SNX29: variants seen among roughly 807,000 people sequenced by gnomAD.
SNX29 encodes sorting nexin-29.
SNX29 carries 78 observed loss-of-function variants against 102.1 expected under a neutral mutation model. That is an observed-to-expected ratio of 0.76 (90% CI 0.64 to 0.92). SNX29 has a LOEUF of 0.92. Ranked by LOEUF, SNX29 falls within the 40% of genes least tolerant of loss-of-function variation. The pLI is 0.00. For synonymous variants in SNX29, 580 were observed against 414.5 expected, an observed-to-expected ratio of 1.40 and a Z score of -4.85; for missense variants, 1,280 against 1,061.7, an observed-to-expected ratio of 1.21 and a Z score of -2.86.
At chr16:12,464,985 C>T (rs2086986748) in intron 18 of SNX29, among the ~76,000 whole-genome samples, 1 of 152,202 alleles carries the variant, frequency 6.6e-6, no homozygotes, top group Non-Finnish European at 1.5e-5. Flanking sequence ...CCGATTTACA[C>T]TTCTCTGATG....
At chr16:12,140,620 C>T (rs1216306198) in intron 13 of SNX29, among the ~76,000 whole-genome samples, 1 of 152,024 alleles carries the variant, frequency 6.6e-6, no homozygotes, top group Non-Finnish European at 1.5e-5. Context: ...GTCCATTTTC[C>T]AGAGTGACAC....
At chr16:12,356,820 C>T (rs555986782) in intron 16 of SNX29, among the ~76,000 whole-genome samples, 2 of 152,354 alleles carry the variant, frequency 1.3e-5, no homozygotes, top group African/African-American at 4.8e-5. Context: ...CTAGCAGCGT[C>T]CCTGGGTTCC....
intron 18 of SNX29, among the ~76,000 whole-genome samples, chr16:12,456,790 G>A (rs552613995): frequency 6.6e-6 from 1 of 152,284 alleles, no homozygotes; most frequent in Admixed American, 6.5e-5. Flanking sequence ...CATTGGGATT[G>A]TGAGCTTTTC....
intron 14 of SNX29, among the ~76,000 whole-genome samples, chr16:12,242,333 G>A (rs1472325172): frequency 6.9e-6 from 1 of 145,116 alleles, no homozygotes; most frequent in South Asian, 2.1e-4. Flanking sequence ...TCTCATAGGA[G>A]AATCTAATTA....
At chr16:12,403,584 G>C in intron 18 of SNX29, 55 bp downstream of exon 18, 2 of 1,515,598 alleles carry the variant, frequency 1.3e-6, no homozygotes, top group East Asian at 2.4e-5. Flanking sequence ...ACGCCCATTT[G>C]TCATGCTGTG....
chr16:12,342,613 C>A (rs1465926264), intron 15 of SNX29, among the ~76,000 whole-genome samples: 1 of 152,172 alleles, frequency 6.6e-6, no homozygotes, highest in African/African-American at 2.4e-5. Flanking sequence ...GTGTCTTTTA[C>A]GAAGCTTGAG....
chr16:12,131,547 G>A (rs533004244), intron 13 of SNX29, among the ~76,000 whole-genome samples: 24 of 152,208 alleles, frequency 1.6e-4, no homozygotes, highest in African/African-American at 5.1e-4. Flanking sequence ...GAGTGAACCC[G>A]CCATATTAAA....
chr16:12,426,729 G>C (rs1490602477), intron 18 of SNX29, among the ~76,000 whole-genome samples: 1 of 152,156 alleles, frequency 6.6e-6, no homozygotes, highest in African/African-American at 2.4e-5. Context: ...GCAGTGGCGC[G>C]ATCTCAGCTC....
At chr16:12,412,679 TTG>T (rs1934480566) in intron 18 of SNX29, among the ~76,000 whole-genome samples, 1 of 152,236 alleles carries the variant, frequency 6.6e-6, no homozygotes, top group Non-Finnish European at 1.5e-5. Context: ...GCATGTGTTT[TTG>T]TGTGTGTTTT....
At chr16:12,120,564 G>A (rs532400678) in intron 11 of SNX29, among the ~76,000 whole-genome samples, 1 of 152,278 alleles carries the variant, frequency 6.6e-6, no homozygotes, top group African/African-American at 2.4e-5. Flanking sequence ...AAGAAGAGAC[G>A]CCTCTCACCC....
At chr16:12,282,581 C>T (rs984122526) in intron 15 of SNX29, among the ~76,000 whole-genome samples, 10 of 152,162 alleles carry the variant, frequency 6.6e-5, no homozygotes, top group East Asian at 1.9e-4. Context: ...TTGTGTAATG[C>T]GTAAAGAATG....
At chr16:12,228,207 G>A (rs1197523414) in intron 14 of SNX29, among the ~76,000 whole-genome samples, 1 of 152,250 alleles carries the variant, frequency 6.6e-6, no homozygotes, top group African/African-American at 2.4e-5. Context: ...TAGAGGCACT[G>A]AAATGTTCTC....
chr16:12,389,156 C>T (rs1474468111), intron 16 of SNX29, among the ~76,000 whole-genome samples: 12 of 152,206 alleles, frequency 7.9e-5, no homozygotes, highest in South Asian at 2.1e-4. Flanking sequence ...TTCAGATTCT[C>T]GGTTTTGGAC....
intron 14 of SNX29, among the ~76,000 whole-genome samples, chr16:12,277,678 G>C (rs151163381): frequency 6.6e-6 from 1 of 152,048 alleles, no homozygotes; most frequent in Non-Finnish European, 1.5e-5. Flanking sequence ...GGGCTCAAGC[G>C]ATCCTCTCAA....
rs1597366026 is a variant in SNX29 at position 12,433,637 on chromosome 16, A to AAAAAAAAG, written c.2037+30115_2037+30116insGAAAAAAA. On this transcript the variant is annotated intron_variant, in intron 18 of 20. Transcript: ENST00000566228. Reference sequence around the variant, plus strand: ...CAGAGCAAGACTGCGTCTCAAAAAAAAAAAAAAAAAAAAGGAAACTTAGCT... The same window carrying AAAAAAAAG: ...CAGAGCAAGACTGCGTCTCAAAAAAAAAAAAAAGAAAAAAAAAAAAAGGAAACTTAGCT... 2.5e-5 allele frequency among the ~76,000 whole-genome samples: 3 copies of AAAAAAAAG among 120,814 alleles called. No individual in the cohort carries two copies. In the East Asian group the frequency reaches 6.9e-4, roughly 28 times the overall value. 79.3% of individuals were successfully genotyped at this position (120,814 alleles called of 152,430 possible).
At chr16:12,117,110 G>A (rs564221683) in intron 11 of SNX29, among the ~76,000 whole-genome samples, 53 of 147,552 alleles carry the variant, frequency 3.6e-4, no homozygotes, top group Non-Finnish European at 6.4e-4. Context: ...GCTTCAGTGC[G>A]GACGAACCAT....
intron 11 of SNX29, among the ~76,000 whole-genome samples, chr16:12,120,516 C>G (rs2053927654): frequency 6.6e-6 from 1 of 152,218 alleles, no homozygotes; most frequent in African/African-American, 2.4e-5. Flanking sequence ...ATCAATGAGT[C>G]TCAGGATAAT....
intron 19 of SNX29, among the ~76,000 whole-genome samples, chr16:12,517,190 G>A (rs1440093946): frequency 6.6e-6 from 1 of 152,186 alleles, no homozygotes; most frequent in African/African-American, 2.4e-5. Flanking sequence ...AGAGAAGTCT[G>A]GCAGGTTCCA....
At chr16:12,212,158 C>G (rs772708454) in intron 14 of SNX29, among the ~76,000 whole-genome samples, 1 of 152,156 alleles carries the variant, frequency 6.6e-6, no homozygotes, top group Non-Finnish European at 1.5e-5. Flanking sequence ...GGGGCAGCCT[C>G]TGTGTGACTG....
Sources: allele counts gnomAD v4.1 joint callset (sites outside exome capture counted in the v4.1 genomes callset), GRCh38; gene constraint gnomAD v4.1.1; transcripts MANE v1.5; gene names NCBI Gene and HGNC (gene_info 2026-07-23, HGNC 2026-07-21).